TDRKH: variants seen among roughly 807,000 people sequenced by gnomAD.
TDRKH encodes the protein tudor and KH domain-containing protein.
In TDRKH, 28 loss-of-function variants were observed where a neutral mutation model predicts 61.3. The observed-to-expected ratio is 0.46, with a 90% CI of 0.34 to 0.63. TDRKH has a LOEUF of 0.63. Among genes scored for constraint, TDRKH ranks in the 20% least tolerant of loss-of-function variants. The probability of loss-of-function intolerance (pLI) is 0.01; values close to 1 mark genes in which losing one functional copy is unlikely to be tolerated. For synonymous variants in TDRKH, 219 were observed against 244.4 expected, an observed-to-expected ratio of 0.90 and a Z score of 0.97; for missense variants, 540 against 683.4, an observed-to-expected ratio of 0.79 and a Z score of 2.34.
downstream of TDRKH, chr1:151,767,011 G>T: frequency 7.3e-7 from 1 of 1,378,880 alleles, no homozygotes; most frequent in Non-Finnish European, 1.0e-6. Flanking sequence ...AAGCTGGCAT[G>T]GAACTTTAGA....
At chr1:151,782,266 G>A (rs952619101) in intron 2 of TDRKH, among the ~76,000 whole-genome samples, 8 of 150,562 alleles carry the variant, frequency 5.3e-5, no homozygotes, top group Admixed American at 4.6e-4. Flanking sequence ...CACCCTGGTG[G>A]TGAAACCCCG....
downstream of TDRKH, chr1:151,766,960 T>C: frequency 6.9e-7 from 1 of 1,450,192 alleles, no homozygotes; most frequent in South Asian, 1.2e-5. Context: ...TTTGAAAGAA[T>C]TTCCCAAATG....
At chr1:151,781,271 C>T (rs1408071960) in intron 3 of TDRKH, among the ~76,000 whole-genome samples, 2 of 143,100 alleles carry the variant, frequency 1.4e-5, no homozygotes, top group African/African-American at 2.6e-5. Flanking sequence ...GAGCCGAGAT[C>T]GTGCCATTGC....
chr1:151,774,430 T>C lies in TDRKH; in HGVS notation c.*22A>G, dbSNP rs778263959. ...GCACTCACACAGCAAAGCAGATGGC[T>C]GAGCAAACTGAAGCCCAGACTTCAG... is the stretch of plus-strand genomic sequence containing the variant. On this transcript the variant is annotated 3_prime_UTR_variant, in exon 13 of 13. Transcript: ENST00000368824. 6.2e-7 allele frequency: 1 copy of C among 1,613,678 alleles called. No homozygotes were observed. Among genetic ancestry groups the C allele is most frequent in the South Asian group, 1.1e-5 (1 of 91,016 alleles).
chr1:151,783,211 CAG>C (rs968058261), intron 1 of TDRKH, 162 bp from the exon 2 acceptor site: 23 of 505,094 alleles, frequency 4.6e-5, no homozygotes, highest in East Asian at 1.3e-4. Flanking sequence ...AAAAAGGGCT[CAG>C]GGTATTTTTT....
downstream of TDRKH, chr1:151,766,713 A>C (rs1380182751): frequency 2.6e-6 from 4 of 1,551,744 alleles, no homozygotes; most frequent in Non-Finnish European, 3.5e-6. Context: ...GAGGCACTGA[A>C]CTGAAAAACT....
chr1:151,768,063 G>A (rs746840807), downstream of TDRKH: 3 of 1,613,944 alleles, frequency 1.9e-6, no homozygotes, highest in South Asian at 3.3e-5. Context: ...TCCAGGCTGG[G>A]AACTTGACGG....
chr1:151,778,835 C>T lies in TDRKH; in HGVS notation c.733G>A (p.Glu245Lys). 6.2e-7 allele frequency: 1 copy of T among 1,614,210 alleles called. No homozygotes were observed. The highest frequency in any genetic ancestry group is 8.5e-7 in the Non-Finnish European group (1 of 1,180,032). The change falls in exon 6 of 13, where the codon GAG becomes AAG. Residue 245 changes from glutamate (E) to lysine (K), a missense_variant. Around this residue, in one of 3 missense-constraint regions of TDRKH, gnomAD observed 379 missense variants for 443.8 expected, o/e 0.85. Coordinates refer to ENST00000368824, the MANE Select transcript of TDRKH (RefSeq NM_001083965.2). ...GGAGTCACCAGGGGTGCAGTCGGCT[C>T]CATGCTAGAACTGGTGTTTTTCCAT... ...ALWKNTSSSMEPTAPLVTPPP... is the reference protein window; with the variant it reads ...ALWKNTSSSMKPTAPLVTPPP...
intron 1 of TDRKH, 177 bp from the exon 2 acceptor site, chr1:151,783,226 A>C (rs1263592420): frequency 1.6e-5 from 7 of 425,738 alleles, no homozygotes; most frequent in Non-Finnish European, 2.8e-5. Context: ...TATTTTTTAA[A>C]AGTTAGCTAA....
At chr1:151,767,882 A>G (rs939276466), downstream of TDRKH, 102 of 800,156 alleles carry the variant, frequency 1.3e-4, no homozygotes, top group Non-Finnish European at 1.9e-4. Context: ...GGAGAACTCC[A>G]CAATAGGCAT....
chr1:151,782,158 A>G, intron 2 of TDRKH: 1 of 365,348 alleles, frequency 2.7e-6, no homozygotes, highest in South Asian at 2.2e-5. Context: ...TTACTTTGCT[A>G]TGTAAGAACA....
chr1:151,775,560 G>A lies in TDRKH; in HGVS notation c.1283-17C>T. On this transcript the variant is annotated splice_polypyrimidine_tract_variant and intron_variant, in intron 9 of 12. Transcript: ENST00000368824. ...ACTGGTCACCTGGCAAAAGATTGTA[G>A]GGGTTACTGCTGATAGGGGTGGGGC... is the stretch of plus-strand genomic sequence containing the variant. The A allele has an allele frequency of 6.2e-7, 1 of 1,610,492 alleles. No individual in the cohort carries two copies. The highest frequency in any genetic ancestry group is 8.5e-7 in the Non-Finnish European group (1 of 1,178,480).
downstream of TDRKH, chr1:151,770,071 C>T (rs1443880573): frequency 2.5e-6 from 4 of 1,574,706 alleles, no homozygotes; most frequent in African/African-American, 4.1e-5. Flanking sequence ...AGAGGGAGAC[C>T]GTGGAGAGAG....
chr1:151,776,288 G>A lies in TDRKH; in HGVS notation c.1045-20C>T. On this transcript the variant is annotated intron_variant, in intron 7 of 12. Coordinates refer to ENST00000368824, the MANE Select transcript of TDRKH (RefSeq NM_001083965.2). ...TTCAGGCTGTATGTGGGGAGGAGGA[G>A]AAAGGCAGAGAGTTACAAAGTGGTA... 2 of 1,610,052 alleles carry A rather than the reference G, an allele frequency of 1.2e-6. No individual in the cohort carries two copies. The highest frequency in any genetic ancestry group is 1.7e-6 in the Non-Finnish European group (2 of 1,177,538).
chr1:151,782,607 G>A (rs1337036600), intron 2 of TDRKH, among the ~76,000 whole-genome samples: 1 of 151,984 alleles, frequency 6.6e-6, no homozygotes, highest in Non-Finnish European at 1.5e-5. Context: ...ACCAGCCTGG[G>A]CAACATGGGA....
downstream of TDRKH, chr1:151,767,390 T>G (rs1185619865): frequency 6.5e-7 from 1 of 1,542,034 alleles, no homozygotes; most frequent in African/African-American, 1.4e-5. Flanking sequence ...GAAGATGAAT[T>G]ACAGAGGTAG....
Position 151,783,032 on chromosome 1 carries a change from T to C in TDRKH, c.-10A>G, listed in dbSNP as rs1294898434. ...TCCGTTCAGTAGACATTTTCTGCTG[T>C]ACTCTTTGACTTATATCCTGAAACA... is the stretch of plus-strand genomic sequence containing the variant. On this transcript the variant is annotated 5_prime_UTR_variant, in exon 2 of 13. Coordinates refer to ENST00000368824, the MANE Select transcript of TDRKH (RefSeq NM_001083965.2). 1 of 1,611,288 alleles carries C rather than the reference T, an allele frequency of 6.2e-7. No homozygotes were observed. Among genetic ancestry groups the C allele is most frequent in the East Asian group, 2.2e-5 (1 of 44,758 alleles).
In TDRKH at chr1:151,774,714, T is replaced by C; in HGVS notation, c.1629A>G (p.Leu543=). 1 of 1,614,092 alleles carries C rather than the reference T, an allele frequency of 6.2e-7. No individual in the cohort carries two copies. Among genetic ancestry groups the C allele is most frequent in the Non-Finnish European group, 8.5e-7 (1 of 1,179,974 alleles). ...EITHTLSCLS[L]SEAASMSGDD... is the part of the protein sequence containing the mutation. ...GGGAGGAAATACTGCTTGTACCTGATAAGCTGAGGCAGGACAGGGTATGTG... is the reference window on the plus strand; with the variant it reads ...GGGAGGAAATACTGCTTGTACCTGACAAGCTGAGGCAGGACAGGGTATGTG... Residue 543 remains leucine (L), a synonymous_variant, in exon 12 of 13, where the codon TTA becomes TTG. Coordinates refer to ENST00000368824, the MANE Select transcript of TDRKH (RefSeq NM_001083965.2).
rs756290218 is a variant in TDRKH, at chr1:151,775,135, T to A, written c.1466A>T (p.Lys489Ile). The change falls in exon 11 of 13, where the codon AAA becomes ATA. Residue 489 changes from lysine (K) to isoleucine (I), a missense_variant. Physicochemically the swap from Lys to Ile is moderately radical, Grantham distance 102 (BLOSUM62 -3). This residue lies in a region of TDRKH where 379 missense variants were observed against 443.8 expected (regional missense o/e 0.85). Transcript: ENST00000368824. Reference protein sequence around the residue: ...KLDIGLELVHKGYAIELPEDI... With the variant: ...KLDIGLELVHIGYAIELPEDI... ...TTCAGGAAGCTCAATTGCGTATCCT[T>A]TGTGTACTAATTCTAGCCCAATATC... is the stretch of plus-strand genomic sequence containing the variant. 2 of 1,614,134 alleles carry A rather than the reference T, an allele frequency of 1.2e-6. No individual in the cohort carries two copies. Among genetic ancestry groups the A allele is most frequent in the South Asian group, 2.2e-5 (2 of 91,084 alleles).
Sources: allele counts gnomAD v4.1 joint callset (sites outside exome capture counted in the v4.1 genomes callset), GRCh38; gene constraint gnomAD v4.1.1; regional missense constraint gnomAD v4.1.1; transcripts MANE v1.5; gene names NCBI Gene and HGNC (gene_info 2026-07-23, HGNC 2026-07-21).